The following USP34 variants were observed in gnomAD, a reference collection of about 807,000 sequenced individuals.
USP34 encodes ubiquitin carboxyl-terminal hydrolase 34.
A neutral mutation model predicts 460.3 loss-of-function variants in USP34; 70 were observed. The ratio of observed to expected loss-of-function variants is 0.15; its 90% CI spans 0.13 to 0.19. USP34 has a LOEUF of 0.19. USP34 is among the 10% of genes least tolerant of loss of function. USP34 has a pLI of 1.00. For missense variants in USP34, 3,985 were observed against 4,236.2 expected, an observed-to-expected ratio of 0.94 and a Z score of 1.65; for synonymous variants, 1,647 against 1,405.3, an observed-to-expected ratio of 1.17 and a Z score of -3.85.
chr2:61,319,349 T>C (rs778357075), intron 21 of USP34, 22 bp from the exon 22 acceptor site: 5 of 1,480,154 alleles, frequency 3.4e-6, no homozygotes, highest in Non-Finnish European at 4.5e-6. Context: ...TTATAAATTT[T>C]ATACTTTATT....
intron 43 of USP34, among the ~76,000 whole-genome samples, chr2:61,262,811 G>A (rs1025278069): frequency 6.6e-6 from 1 of 152,122 alleles, no homozygotes; most frequent in African/African-American, 2.4e-5. Flanking sequence ...CAGTGTATAT[G>A]CATTCCCTTT....
At chr2:61,445,784 T>C (rs1166694235) in intron 1 of USP34, among the ~76,000 whole-genome samples, 2 of 151,704 alleles carry the variant, frequency 1.3e-5, no homozygotes, top group African/African-American at 4.8e-5. Context: ...TCTCTATTTT[T>C]AAAAATACAA....
chr2:61,309,742 G>A (rs887248602), intron 27 of USP34, among the ~76,000 whole-genome samples: 2 of 152,138 alleles, frequency 1.3e-5, no homozygotes, highest in South Asian at 4.1e-4. Context: ...CTTAGAAAAA[G>A]AAAATACAAA....
At chr2:61,401,096 A>G (rs1693703192) in intron 3 of USP34, among the ~76,000 whole-genome samples, 1 of 145,134 alleles carries the variant, frequency 6.9e-6, no homozygotes, top group Non-Finnish European at 1.5e-5. Flanking sequence ...GGTTGCAGTG[A>G]GCCGAGATCG....
chr2:61,223,204 A>G (rs754598956), intron 63 of USP34, 40 bp from the exon 64 acceptor site: 3 of 1,613,394 alleles, frequency 1.9e-6, no homozygotes, highest in South Asian at 2.2e-5. Context: ...AACCGTTATT[A>G]TTTTTGTGAT....
intron 1 of USP34, among the ~76,000 whole-genome samples, chr2:61,427,303 C>T (rs1243084175): frequency 1.3e-5 from 2 of 152,238 alleles, no homozygotes; most frequent in African/African-American, 4.8e-5. Context: ...GCTGGGATTA[C>T]AGGCATGAGC....
At chr2:61,206,567 A>G (rs1156453930) in intron 71 of USP34, among the ~76,000 whole-genome samples, 193 bp downstream of exon 71, 1 of 152,242 alleles carries the variant, frequency 6.6e-6, no homozygotes, top group Non-Finnish European at 1.5e-5. Context: ...AGGCAGGTAC[A>G]AAAACATAAA....
At chr2:61,237,497 C>T (rs1284633099) in intron 53 of USP34, among the ~76,000 whole-genome samples, 4 of 127,234 alleles carry the variant, frequency 3.1e-5, no homozygotes, top group African/African-American at 1.2e-4. Context: ...AAACACTTGT[C>T]TGTTTGATAG....
Position 61,380,217 on chromosome 2 carries a change from A to C in USP34, c.966T>G (p.Phe322Leu). The change falls in exon 7 of 80, where the codon TTT (phenylalanine) becomes TTG (leucine). Residue 322 changes from phenylalanine (F) to leucine (L), a missense_variant. Phe to Leu is a conservative substitution (Grantham distance 22, BLOSUM62 0). Transcript: ENST00000398571. ...KESLDLAFKY[F>L]MSPTLTMRLA... The stretch of plus-strand genomic sequence containing the variant: ...ACCTCATAGTCAAAGTAGGTGACAT[A>C]AAGTACTTAAATGCAAGATCTAGGC... The C allele has an allele frequency of 6.2e-7, 1 of 1,614,154 alleles. No individual in the cohort carries two copies. Among genetic ancestry groups the C allele is most frequent in the Non-Finnish European group, 8.5e-7 (1 of 1,179,984 alleles).
In USP34 at chr2:61,248,463, T is replaced by A. The variant is rs375623166; in HGVS notation, c.6394+48A>T. 4.0e-6 allele frequency: 6 copies of A among 1,495,240 alleles called. No individual in the cohort carries two copies. The African/African-American group carries it at 8.4e-5, about 21-fold the overall frequency. The allele number at this position is 1,495,240 out of a possible 1,614,324, so 92.6% of individuals were successfully genotyped here. A position where few individuals can be genotyped will look rare whatever the true frequency, so the allele number is the denominator to read the frequency against. On this transcript the variant is annotated intron_variant, in intron 49 of 79. Coordinates refer to ENST00000398571, the MANE Select transcript of USP34 (RefSeq NM_014709.4). ...CTTTATAATTATGCCTACCTTGTTA[T>A]GGAGATTGACAATAATCACAGACAA...
At chr2:61,196,748 G>A (rs1686822386) in intron 75 of USP34, among the ~76,000 whole-genome samples, 1 of 151,932 alleles carries the variant, frequency 6.6e-6, no homozygotes, top group African/African-American at 2.4e-5. Context: ...GCCCAGTCTG[G>A]TCTTGAGCTC....
At chr2:61,379,989 G>C (rs1314364827) in intron 7 of USP34, among the ~76,000 whole-genome samples, 180 bp downstream of exon 7, 2 of 152,198 alleles carry the variant, frequency 1.3e-5, no homozygotes, top group South Asian at 2.1e-4. Flanking sequence ...ATAAATCTAA[G>C]CTTCAGACTT....
intron 2 of USP34, 43 bp downstream of exon 2, chr2:61,420,703 C>A: frequency 6.7e-7 from 1 of 1,493,516 alleles, no homozygotes. Context: ...ACTTATAACA[C>A]AACTCACAAA....
chr2:61,298,537 C>CAAAAAAAAAAAAAAAAA (rs57087400), intron 29 of USP34, among the ~76,000 whole-genome samples: 12 of 28,288 alleles, frequency 4.2e-4, no homozygotes, highest in African/African-American at 5.1e-4. Flanking sequence ...GACTCTGTCT[C>CAAAAAAAAAAAAAAAAA]AAAAAAAAAA....
At chr2:61,339,292 G>A in intron 18 of USP34, 59 bp downstream of exon 18, 1 of 1,528,536 alleles carries the variant, frequency 6.5e-7, no homozygotes, top group Non-Finnish European at 8.8e-7. Context: ...CAACAAGAAT[G>A]TCCCCCCACA....
At chr2:61,223,457 G>A in intron 62 of USP34, 161 bp from the exon 63 acceptor site, 2 of 695,118 alleles carry the variant, frequency 2.9e-6, no homozygotes, top group East Asian at 2.8e-5. Context: ...AATGTCTTTT[G>A]GGCAACTTTT....
At chr2:61,323,680 T>C (rs538181593) in intron 21 of USP34, among the ~76,000 whole-genome samples, 17 of 152,226 alleles carry the variant, frequency 1.1e-4, no homozygotes, top group South Asian at 2.1e-4. Context: ...ATCTGGACAG[T>C]AGCTATTGTC....
At chr2:61,405,254 A>AAAAG (rs1553384297) in intron 3 of USP34, among the ~76,000 whole-genome samples, 3,983 of 96,710 alleles carry the variant, frequency 0.041, 155 homozygotes, top group African/African-American at 0.046. Context: ...AAAAAAAAAA[A>AAAAG]AAAGAAAGAA....
chr2:61,353,065 GCA>G (rs1691992439), intron 10 of USP34, among the ~76,000 whole-genome samples: 1 of 152,132 alleles, frequency 6.6e-6, no homozygotes, highest in South Asian at 2.1e-4. Flanking sequence ...TTTCTGACAC[GCA>G]CACTCCCAAC....
Sources: gnomAD v4.1 joint callset for allele counts (sites outside exome capture counted in the v4.1 genomes callset) on GRCh38, gnomAD v4.1.1 for gene constraint, MANE v1.5 for transcripts, NCBI Gene and HGNC (gene_info 2026-07-23, HGNC 2026-07-21) for gene names.